The following CDCA2 variants were observed in gnomAD, a reference collection of about 807,000 sequenced individuals.
CDCA2 encodes cell division cycle-associated protein 2.
A neutral mutation model predicts 67.0 loss-of-function variants in CDCA2; 44 were observed. The observed-to-expected ratio is 0.66, with a 90% CI of 0.52 to 0.84. CDCA2 has a LOEUF of 0.84. Ranked by LOEUF, CDCA2 falls within the 40% of genes least tolerant of loss-of-function variation. The probability of loss-of-function intolerance (pLI) is 0.00; values close to 1 mark genes in which losing one functional copy is unlikely to be tolerated. For missense variants in CDCA2, 1,253 were observed against 1,203.2 expected (o/e 1.04, Z -0.61); for synonymous variants, 447 against 418.7 (o/e 1.07, Z -0.82).
At chr8:25,478,026 T>C (rs1298230262) in intron 7 of CDCA2, among the ~76,000 whole-genome samples, 1 of 151,258 alleles carries the variant, frequency 6.6e-6, no homozygotes, top group African/African-American at 2.4e-5. Flanking sequence ...TCCTGAGCTC[T>C]AGGAGTCCTC....
At chr8:25,486,746 C>T (rs993848576) in intron 11 of CDCA2, among the ~76,000 whole-genome samples, 6 of 151,882 alleles carry the variant, frequency 4.0e-5, no homozygotes, top group African/African-American at 1.5e-4. Flanking sequence ...ACCGGGGAGA[C>T]GGAGGTTGCA....
At position 25,479,907 on chromosome 8, in the gene CDCA2, T is replaced by C. The variant is rs777192996; in HGVS notation, c.821-6T>C. On this transcript the variant is annotated splice_polypyrimidine_tract_variant and splice_region_variant and intron_variant, in intron 7 of 14. Coordinates refer to ENST00000330560, the MANE Select transcript of CDCA2 (RefSeq NM_152562.4). The stretch of plus-strand genomic sequence containing the variant: ...TGCCTCTCAAGTTTACATGTTTATC[T>C]TGAAGCACTAAAGGTTGCTGACTGT... 4.3e-6 allele frequency: 7 copies of C among 1,613,858 alleles called. No individual in the cohort carries two copies. In the Admixed American group the frequency reaches 8.3e-5, roughly 19 times the overall value.
chr8:25,485,357 A>G (rs1803732061), intron 10 of CDCA2, among the ~76,000 whole-genome samples: 2 of 152,062 alleles, frequency 1.3e-5, no homozygotes, highest in African/African-American at 4.8e-5. Flanking sequence ...TTATGTGGAA[A>G]AGATTTGCTA....
In CDCA2 at chr8:25,460,493, T is replaced by C; in HGVS notation, c.171T>C (p.Phe57=). The C allele has an allele frequency of 6.2e-7, 1 of 1,614,230 alleles. No homozygotes were observed. The highest frequency in any genetic ancestry group is 8.5e-7 in the Non-Finnish European group (1 of 1,180,040). The change falls in exon 3 of 15, where the codon TTT becomes TTC. Residue 57 remains phenylalanine (F), a synonymous_variant. Coordinates refer to ENST00000330560, the MANE Select transcript of CDCA2 (RefSeq NM_152562.4). The stretch of plus-strand genomic sequence containing the variant: ...ATACTTTTAAATCACCTTTGAACTT[T>C]TCCACAGTAACCGTAGAGCAATTGG... ...TPDTFKSPLN[F]STVTVEQLGI...
At chr8:25,487,824 A>T (rs924375816) in intron 12 of CDCA2, among the ~76,000 whole-genome samples, 1 of 152,240 alleles carries the variant, frequency 6.6e-6, no homozygotes, top group Non-Finnish European at 1.5e-5. Context: ...ATTCTATTAG[A>T]AGAAAAATCT....
intron 13 of CDCA2, among the ~76,000 whole-genome samples, chr8:25,502,117 G>T (rs1441760127): frequency 2.0e-5 from 3 of 151,976 alleles, no homozygotes; most frequent in Admixed American, 1.3e-4. Context: ...GGATGGTCTC[G>T]ATCTCCTGAC....
At chr8:25,501,979 C>A (rs1804496153) in intron 13 of CDCA2, among the ~76,000 whole-genome samples, 1 of 152,180 alleles carries the variant, frequency 6.6e-6, no homozygotes, top group South Asian at 2.1e-4. Context: ...CTCACTGCAA[C>A]CTCTGCCTCC....
chr8:25,459,712 T>A (rs1482010591), intron 1 of CDCA2, among the ~76,000 whole-genome samples: 1 of 152,202 alleles, frequency 6.6e-6, no homozygotes, highest in Admixed American at 6.5e-5. Context: ...TCCTTTGGGG[T>A]CTGCTTTGGT....
At chr8:25,494,308 A>T (rs1458907441) in intron 13 of CDCA2, among the ~76,000 whole-genome samples, 2 of 152,118 alleles carry the variant, frequency 1.3e-5, no homozygotes, top group African/African-American at 4.8e-5. Flanking sequence ...TTCTTAATAT[A>T]TTACTTAAAA....
rs568439033 is a variant in CDCA2 at position 25,477,624 on chromosome 8, T to C, written c.821-2289T>C. On this transcript the variant is annotated intron_variant, in intron 7 of 14. Transcript: ENST00000330560. ...GATCCCAAGCATTTTGGATAAAGGA[T>C]ACCCAATGTGAACTCTTTCTAGGTG... Among the ~76,000 whole-genome samples, 87 of 152,338 alleles carry C rather than the reference T, an allele frequency of 5.7e-4. No homozygotes were observed. The South Asian group carries it at 0.018, about 31-fold the overall frequency.
Position 25,460,230 on chromosome 8 carries a change from C to T in CDCA2, c.1-10C>T, listed in dbSNP as rs1802624764. 1.2e-6 allele frequency: 2 copies of T among 1,613,860 alleles called. No homozygotes were observed. The highest frequency in any genetic ancestry group is 4.5e-5 in the East Asian group (2 of 44,874). Reference sequence around the variant, plus strand: ...GGGGTTATTTTTCATTGTTTTTCTTCACCTCTTAGATGGATGCCAATTCAA... The same window carrying T: ...GGGGTTATTTTTCATTGTTTTTCTTTACCTCTTAGATGGATGCCAATTCAA... On this transcript the variant is annotated splice_polypyrimidine_tract_variant and intron_variant, in intron 1 of 14. Transcript: ENST00000330560.
chr8:25,503,463 C>A lies in CDCA2; in HGVS notation c.1762C>A (p.Pro588Thr). ...GGAAAGAGACATTGCTTCTAAGAAG[C>A]CCCTCCTCAGTCCTATTCCCGAGCT... ...YGERDIASKKPLLSPIPELPE... is the reference protein window; with the variant it reads ...YGERDIASKKTLLSPIPELPE... The change falls in exon 14 of 15, where the codon CCC (proline) becomes ACC (threonine). Residue 588 changes from proline (P) to threonine (T), a missense_variant. By Grantham distance (38) the Pro-to-Thr change is conservative. Transcript: ENST00000330560. The A allele has an allele frequency of 6.2e-7, 1 of 1,613,784 alleles. No individual in the cohort carries two copies. Among genetic ancestry groups the A allele is most frequent in the South Asian group, 1.1e-5 (1 of 91,068 alleles).
intron 9 of CDCA2, 91 bp downstream of exon 9, chr8:25,483,577 A>G (rs964264386): frequency 5.8e-6 from 5 of 855,746 alleles, no homozygotes; most frequent in Non-Finnish European, 9.2e-6. Flanking sequence ...AATGATCTAT[A>G]ATGCCTTAGT....
intron 14 of CDCA2, among the ~76,000 whole-genome samples, chr8:25,504,689 C>T (rs1804609339): frequency 6.6e-6 from 1 of 152,170 alleles, no homozygotes; most frequent in African/African-American, 2.4e-5. Flanking sequence ...GGCTCACACT[C>T]TTCTCCTGCC....
intron 1 of CDCA2, among the ~76,000 whole-genome samples, chr8:25,459,732 G>A (rs1218513426): frequency 6.6e-6 from 1 of 152,182 alleles, no homozygotes; most frequent in Non-Finnish European, 1.5e-5. Context: ...TGCCTGAACA[G>A]CAGTTTTCTC....
chr8:25,465,541 G>A (rs1802865053), intron 4 of CDCA2, among the ~76,000 whole-genome samples: 6 of 148,208 alleles, frequency 4.0e-5, no homozygotes, highest in Admixed American at 3.3e-4. Flanking sequence ...CCCTGTTAAC[G>A]GGGTTTCCAG....
At chr8:25,500,136 G>A (rs1270987097) in intron 13 of CDCA2, among the ~76,000 whole-genome samples, 1 of 151,920 alleles carries the variant, frequency 6.6e-6, no homozygotes, top group Non-Finnish European at 1.5e-5. Context: ...AAGCTTAACT[G>A]TACTTCTTTG....
Position 25,485,853 on chromosome 8 carries a change from T to G in CDCA2, c.1444+16T>G. 1.4e-6 allele frequency: 2 copies of G among 1,445,234 alleles called. No homozygotes were observed. The highest frequency in any genetic ancestry group is 9.6e-7 in the Non-Finnish European group (1 of 1,042,268). 89.5% of individuals were successfully genotyped at this position (1,445,234 alleles called of 1,614,324 possible). On this transcript the variant is annotated intron_variant, in intron 11 of 14. Transcript: ENST00000330560. Reference sequence around the variant, plus strand: ...ACCCTTTCAGGTAGTAACTTGTTTATCTTAAAATCATAAATGTCATTTTTT... The same window carrying G: ...ACCCTTTCAGGTAGTAACTTGTTTAGCTTAAAATCATAAATGTCATTTTTT...
Position 25,485,712 on chromosome 8 carries a change from T to G in CDCA2, c.1366-47T>G, listed in dbSNP as rs553935483. ...ACTCTTCTTTTGGGCACATTATGTA[T>G]TCACTGCATTTAAAGATATCTAACT... On this transcript the variant is annotated intron_variant, in intron 10 of 14. Coordinates refer to ENST00000330560, the MANE Select transcript of CDCA2 (RefSeq NM_152562.4). 84 of 1,097,332 alleles carry G rather than the reference T, an allele frequency of 7.7e-5. No individual in the cohort carries two copies. The East Asian group carries it at 1.9e-3, about 25-fold the overall frequency. The allele number at this position is 1,097,332 out of a possible 1,614,324, so 68.0% of individuals were successfully genotyped here.
Sources: allele counts gnomAD v4.1 joint callset (sites outside exome capture counted in the v4.1 genomes callset), GRCh38; gene constraint gnomAD v4.1.1; transcripts MANE v1.5; gene names NCBI Gene and HGNC (gene_info 2026-07-23, HGNC 2026-07-21).